The following GALK2 variants were observed in gnomAD, a reference collection of about 807,000 sequenced individuals.
The protein encoded by GALK2 is galactokinase 2.
Under a neutral mutation model 52.4 loss-of-function variants are expected in GALK2, and 36 were observed. The ratio of observed to expected loss-of-function variants is 0.69; its 90% CI spans 0.53 to 0.91. The LOEUF is 0.91. Among genes scored for constraint, GALK2 ranks in the 40% least tolerant of loss-of-function variants. GALK2 has a pLI of 0.00. For missense variants in GALK2, 579 were observed against 559.1 expected, an observed-to-expected ratio of 1.04 and a Z score of -0.36; for synonymous variants, 176 against 199.1, an observed-to-expected ratio of 0.88 and a Z score of 0.98.
intron 1 of GALK2, among the ~76,000 whole-genome samples, chr15:49,192,498 T>TATATATAC (rs2086830145): frequency 2.4e-5 from 2 of 82,268 alleles, no homozygotes; most frequent in Non-Finnish European, 5.3e-5. Flanking sequence ...TATATATATA[T>TATATATAC]ATATATATAT....
At chr15:49,317,126 G>A (rs1434962882) in intron 8 of GALK2, among the ~76,000 whole-genome samples, 3 of 151,764 alleles carry the variant, frequency 2.0e-5, no homozygotes, top group African/African-American at 7.3e-5. Context: ...TGTTAGGGCT[G>A]GGAGTATCCT....
intron 1 of GALK2, chr15:49,170,650 A>G (rs924448808): frequency 5.3e-5 from 22 of 412,988 alleles, no homozygotes; most frequent in African/African-American, 2.0e-4. Flanking sequence ...TACTCTTTCT[A>G]CTGGGCTTCA....
At chr15:49,350,891 C>T (rs985664400) in intron 3 of GALK2, among the ~76,000 whole-genome samples, 6 of 152,192 alleles carry the variant, frequency 3.9e-5, no homozygotes, top group African/African-American at 1.4e-4. Context: ...CTGATAGGCT[C>T]ATCCTAATCC....
At chr15:49,281,077 C>A (rs193239118) in intron 5 of GALK2, among the ~76,000 whole-genome samples, 1 of 152,136 alleles carries the variant, frequency 6.6e-6, no homozygotes, top group African/African-American at 2.4e-5. Flanking sequence ...CCTCGTGATC[C>A]GCCCACCTCG....
chr15:49,257,237 A>G (rs1357328544), intron 5 of GALK2, among the ~76,000 whole-genome samples: 1 of 152,180 alleles, frequency 6.6e-6, no homozygotes, highest in Non-Finnish European at 1.5e-5. Context: ...TAAATCCCAT[A>G]AATTTAAGCA....
chr15:49,319,549 C>T (rs1301572833), intron 8 of GALK2, 55 bp from the exon 9 acceptor site: 3 of 1,465,058 alleles, frequency 2.0e-6, no homozygotes, highest in Non-Finnish European at 2.9e-6. Context: ...TTTCTTTATA[C>T]TGGGTTGTCC....
At chr15:49,323,567 G>C (rs922347431) in intron 9 of GALK2, among the ~76,000 whole-genome samples, 1 of 152,176 alleles carries the variant, frequency 6.6e-6, no homozygotes, top group Non-Finnish European at 1.5e-5. Context: ...AACTAATTGA[G>C]TGAGTAAATT....
intron 2 of GALK2, among the ~76,000 whole-genome samples, chr15:49,203,700 A>G (rs2087994791): frequency 1.3e-5 from 2 of 152,208 alleles, no homozygotes; most frequent in African/African-American, 4.8e-5. Context: ...ATTCATTTTT[A>G]TAAATGGTGA....
chr15:49,352,770 T>C (rs1472289115), intron 3 of GALK2, among the ~76,000 whole-genome samples: 1 of 152,116 alleles, frequency 6.6e-6, no homozygotes, highest in Non-Finnish European at 1.5e-5. Context: ...CAATCCAAAA[T>C]TATAATATCA....
rs983703786 is a variant in GALK2 at position 49,239,259 on chromosome 15, C to G, written c.396C>G (p.Cys132Trp). The change falls in exon 5 of 10, where the codon TGC (cysteine) becomes TGG (tryptophan). Residue 132 changes from cysteine to tryptophan, a missense_variant. Physicochemically the swap from Cys to Trp is radical, Grantham distance 215 (BLOSUM62 -2). Transcript: ENST00000560031. Reference protein sequence around the residue: ...FGLSNLTGMNCLVDGNIPPSS... With the variant: ...FGLSNLTGMNWLVDGNIPPSS... ...TTAGTAACCTGACTGGAATGAACTG[C>G]CTGGTAGATGGAAATATCCCACCAA... The G allele has an allele frequency of 4.3e-6, 7 of 1,613,976 alleles. No individual in the cohort carries two copies. In the Admixed American group the frequency reaches 1.0e-4, roughly 23 times the overall value.
chr15:49,259,978 C>T (rs1367107420), intron 5 of GALK2, among the ~76,000 whole-genome samples: 1 of 151,188 alleles, frequency 6.6e-6, no homozygotes. Flanking sequence ...TCCAGTCTAT[C>T]ATTGTTGGAC....
chr15:49,365,387 G>A (rs1199939245), intron 3 of GALK2: 8 of 1,197,342 alleles, frequency 6.7e-6, no homozygotes, highest in Middle Eastern at 1.9e-4. Flanking sequence ...GTATATATAC[G>A]AAGAACCAGT....
intron 1 of GALK2, among the ~76,000 whole-genome samples, chr15:49,182,638 C>A (rs1399606048): frequency 6.6e-6 from 1 of 152,130 alleles, no homozygotes; most frequent in Non-Finnish European, 1.5e-5. Context: ...TTCTCCACAT[C>A]CTTACCAGCA....
chr15:49,216,596 T>C (rs1179248788), intron 2 of GALK2, among the ~76,000 whole-genome samples: 1 of 152,234 alleles, frequency 6.6e-6, no homozygotes, highest in African/African-American at 2.4e-5. Context: ...ACTGCAGTAC[T>C]TGTGGCCTGA....
At chr15:49,354,579 C>A (rs529292466) in intron 3 of GALK2, among the ~76,000 whole-genome samples, 3 of 152,244 alleles carry the variant, frequency 2.0e-5, no homozygotes, top group South Asian at 2.1e-4. Flanking sequence ...TATCCCGCAC[C>A]TGGCTGGAAG....
intron 8 of GALK2, among the ~76,000 whole-genome samples, chr15:49,318,628 G>A (rs1159440099): frequency 6.6e-6 from 1 of 151,918 alleles, no homozygotes; most frequent in Non-Finnish European, 1.5e-5. Flanking sequence ...AAATAATGCT[G>A]CAATATATAT....
At chr15:49,239,155 A>G in intron 4 of GALK2, 66 bp from the exon 5 acceptor site, 1 of 1,417,784 alleles carries the variant, frequency 7.1e-7, no homozygotes, top group South Asian at 1.2e-5. Flanking sequence ...GGGGAATGAA[A>G]GAAGCTTTCA....
At chr15:49,175,720 A>G (rs2085395340) in intron 1 of GALK2, among the ~76,000 whole-genome samples, 1 of 152,174 alleles carries the variant, frequency 6.6e-6, no homozygotes, top group African/African-American at 2.4e-5. Flanking sequence ...AGTAAAAACT[A>G]AAAGGCAGAA....
chr15:49,339,287 G>T (rs1185577050), intron 3 of GALK2, among the ~76,000 whole-genome samples: 1 of 152,174 alleles, frequency 6.6e-6, no homozygotes, highest in Non-Finnish European at 1.5e-5. Context: ...TTTGGCCTTT[G>T]AAGTTGGTGA....
Sources: gnomAD v4.1 joint callset for allele counts (sites outside exome capture counted in the v4.1 genomes callset) on GRCh38, gnomAD v4.1.1 for gene constraint, MANE v1.5 for transcripts, NCBI Gene and HGNC (gene_info 2026-07-23, HGNC 2026-07-21) for gene names.